Variants in ESRRG observed in about 807,000 individuals in gnomAD.
ESRRG encodes estrogen related receptor gamma.
In ESRRG, 13 loss-of-function variants were observed where a neutral mutation model predicts 44.0. The observed-to-expected ratio is 0.30, with a 90% CI of 0.19 to 0.47. The LOEUF (loss-of-function observed/expected upper bound fraction) is 0.47. ESRRG is among the 20% of genes least tolerant of loss of function. The pLI, the probability that ESRRG is intolerant of heterozygous loss-of-function variation, is 1.00. For synonymous variants in ESRRG, 215 were observed against 214.6 expected, an observed-to-expected ratio of 1.00 and a Z score of -0.02; for missense variants, 395 against 580.6, an observed-to-expected ratio of 0.68 and a Z score of 3.29.
At chr1:216,830,375 G>T (rs2095469005) in intron 2 of ESRRG, among the ~76,000 whole-genome samples, 1 of 152,180 alleles carries the variant, frequency 6.6e-6, no homozygotes, top group Non-Finnish European at 1.5e-5. Flanking sequence ...TGGCACAGAA[G>T]AATAATTTAT....
intron 2 of ESRRG, among the ~76,000 whole-genome samples, chr1:216,664,167 T>C (rs2073270479): frequency 6.6e-6 from 1 of 152,108 alleles, no homozygotes; most frequent in African/African-American, 2.4e-5. Context: ...CAATCTAAAA[T>C]CATTCAATCT....
intron 3 of ESRRG, among the ~76,000 whole-genome samples, chr1:216,613,914 T>C (rs553326105): frequency 1.3e-5 from 2 of 152,372 alleles, no homozygotes; most frequent in East Asian, 3.9e-4. Flanking sequence ...TAGATTTCCT[T>C]CTGCCATTTT....
chr1:216,522,593 A>G (rs1311928830), intron 5 of ESRRG, among the ~76,000 whole-genome samples: 1 of 152,152 alleles, frequency 6.6e-6, no homozygotes, highest in African/African-American at 2.4e-5. Context: ...TAAGATAGTC[A>G]TGTTCATCTG....
chr1:217,073,402 C>T (rs1176348503), intron 1 of ESRRG, among the ~76,000 whole-genome samples: 5 of 152,020 alleles, frequency 3.3e-5, no homozygotes, highest in Non-Finnish European at 5.9e-5. Context: ...AGTTTCAAAG[C>T]TTTCACTACT....
At chr1:216,573,305 G>C (rs1466283738) in intron 3 of ESRRG, among the ~76,000 whole-genome samples, 1 of 151,878 alleles carries the variant, frequency 6.6e-6, no homozygotes, top group African/African-American at 2.4e-5. Context: ...AGTCAGAATG[G>C]TTCAATTCTT....
chr1:217,115,392 A>G (rs1450671578), intron 1 of ESRRG, among the ~76,000 whole-genome samples: 2 of 152,110 alleles, frequency 1.3e-5, no homozygotes, highest in African/African-American at 2.4e-5. Flanking sequence ...GCCTGGCTTT[A>G]GCATGATAGG....
intron 2 of ESRRG, among the ~76,000 whole-genome samples, chr1:216,879,040 A>G (rs978713588): frequency 2.0e-5 from 3 of 152,346 alleles, no homozygotes; most frequent in African/African-American, 4.8e-5. Flanking sequence ...GCCAAAGACT[A>G]CATGTGAGAT....
At chr1:216,832,843 A>T (rs1359531787) in intron 2 of ESRRG, among the ~76,000 whole-genome samples, 1 of 151,990 alleles carries the variant, frequency 6.6e-6, no homozygotes, top group Non-Finnish European at 1.5e-5. Context: ...AGATGTAGTG[A>T]TGTGTGCCTG....
At chr1:216,991,625 ATG>A (rs2075719823) in intron 1 of ESRRG, among the ~76,000 whole-genome samples, 2 of 22,554 alleles carry the variant, frequency 8.9e-5, no homozygotes, top group Non-Finnish European at 7.3e-5. Context: ...ATAGGATGGG[ATG>A]GGATGGGATG....
chr1:216,668,457 T>C (rs1008516604), intron 2 of ESRRG, among the ~76,000 whole-genome samples: 1 of 152,244 alleles, frequency 6.6e-6, no homozygotes, highest in African/African-American at 2.4e-5. Context: ...GCTATGTGTT[T>C]AATAAACATG....
At chr1:216,694,682 G>A (rs1217322513) in intron 1 of ESRRG, among the ~76,000 whole-genome samples, 1 of 151,724 alleles carries the variant, frequency 6.6e-6, no homozygotes, top group Non-Finnish European at 1.5e-5. Flanking sequence ...CCTCAGCCCC[G>A]AGTACCAGGG....
At chr1:216,906,942 G>C (rs1577971456) in intron 2 of ESRRG, among the ~76,000 whole-genome samples, 1 of 152,156 alleles carries the variant, frequency 6.6e-6, no homozygotes, top group Non-Finnish European at 1.5e-5. Flanking sequence ...AATGTTTTTT[G>C]TATATATTGA....
At chr1:216,566,087 C>G (rs2059639539) in intron 4 of ESRRG, among the ~76,000 whole-genome samples, 1 of 151,914 alleles carries the variant, frequency 6.6e-6, no homozygotes, top group Admixed American at 6.6e-5. Flanking sequence ...AAATTCCCAT[C>G]ATTCAGAAAA....
At position 216,852,878 on chromosome 1, in the gene ESRRG, A is replaced by G. The variant is rs538715851; in HGVS notation, c.-14+86704T>C. On this transcript the variant is annotated intron_variant, in intron 2 of 7. Transcript: ENST00000359162. ...TAATTGTTTGACTGTCTCTGTCTTG[A>G]AACACATTTGAGTCACTCTGACTAT... 4.1e-3 allele frequency among the ~76,000 whole-genome samples: 619 copies of G among 152,240 alleles called. 8 individuals are homozygous for G. The highest frequency in any genetic ancestry group is 0.013 in the African/African-American group (550 of 41,544).
At chr1:216,635,858 T>A (rs548230117) in intron 3 of ESRRG, among the ~76,000 whole-genome samples, 1 of 152,100 alleles carries the variant, frequency 6.6e-6, no homozygotes, top group South Asian at 2.1e-4. Flanking sequence ...GGGAAAAAAA[T>A]TCCAGCAAGA....
intron 1 of ESRRG, among the ~76,000 whole-genome samples, chr1:217,133,371 G>T (rs114649924): frequency 0.038 from 5,806 of 152,388 alleles, 172 homozygotes; most frequent in Non-Finnish European, 0.055. Context: ...CCCATCTTCA[G>T]GACCCAGAGT....
intron 3 of ESRRG, among the ~76,000 whole-genome samples, chr1:216,611,726 T>A (rs1331448396): frequency 6.6e-6 from 1 of 151,914 alleles, no homozygotes; most frequent in African/African-American, 2.4e-5. Context: ...AATAACTCAC[T>A]GTCATATATT....
intron 2 of ESRRG, among the ~76,000 whole-genome samples, chr1:216,911,167 G>A (rs941288484): frequency 1.3e-5 from 2 of 152,096 alleles, no homozygotes; most frequent in Non-Finnish European, 2.9e-5. Flanking sequence ...ACAAAAACTT[G>A]CTCACAGATG....
chr1:216,727,993 A>T (rs2087901845), upstream of ESRRG, among the ~76,000 whole-genome samples: 2 of 152,194 alleles, frequency 1.3e-5, no homozygotes, highest in South Asian at 4.1e-4. Flanking sequence ...CGTTTTGTCA[A>T]ACTAATAATA....
Sources: allele counts gnomAD v4.1 joint callset (sites outside exome capture counted in the v4.1 genomes callset), GRCh38; gene constraint gnomAD v4.1.1; transcripts MANE v1.5; gene names NCBI Gene and HGNC (gene_info 2026-07-23, HGNC 2026-07-21).